ANKRD44: variants seen among roughly 807,000 people sequenced by gnomAD.
The protein encoded by ANKRD44 is ankyrin repeat domain 44.
In ANKRD44, 35 loss-of-function variants were observed where a neutral mutation model predicts 116.0. That is an observed-to-expected ratio of 0.30 (90% CI 0.23 to 0.40). The LOEUF is 0.40. Among genes scored for constraint, ANKRD44 ranks in the 10% least tolerant of loss-of-function variants. The pLI is 1.00. For synonymous variants in ANKRD44, 435 were observed against 461.8 expected, an observed-to-expected ratio of 0.94 and a Z score of 0.74; for missense variants, 1,014 against 1,242.6, an observed-to-expected ratio of 0.82 and a Z score of 2.77.
At chr2:196,971,036 C>G (rs35812339) in intron 21 of ANKRD44, among the ~76,000 whole-genome samples, 1 of 152,074 alleles carries the variant, frequency 6.6e-6, no homozygotes, top group Non-Finnish European at 1.5e-5. Flanking sequence ...ATCTTATAGC[C>G]CTTGTCCATA....
At chr2:197,050,258 G>A (rs1039093706) in intron 16 of ANKRD44, among the ~76,000 whole-genome samples, 2 of 152,058 alleles carry the variant, frequency 1.3e-5, no homozygotes, top group African/African-American at 4.8e-5. Flanking sequence ...ATGAGAAACT[G>A]CTCTCATGAT....
chr2:197,122,424 T>C (rs1391035223), intron 7 of ANKRD44, among the ~76,000 whole-genome samples: 1 of 152,216 alleles, frequency 6.6e-6, no homozygotes, highest in Non-Finnish European at 1.5e-5. Flanking sequence ...TTTATGTCTA[T>C]ATATTTATCT....
rs13405748 is a variant in ANKRD44 at position 197,139,225 on chromosome 2, C to T, written c.191-2563G>A. Among the ~76,000 whole-genome samples, 1,220 of 152,122 alleles carry T rather than the reference C, an allele frequency of 8.0e-3. 15 individuals are homozygous for T. The highest frequency in any genetic ancestry group is 0.028 in the African/African-American group (1,149 of 41,460). On this transcript the variant is annotated intron_variant, in intron 3 of 27. Transcript: ENST00000282272. ...CTCACACATGTACATGAAGGTGCACCGCAACATGTTTATGTCAACAAGAAA... is the reference window on the plus strand; with the variant it reads ...CTCACACATGTACATGAAGGTGCACTGCAACATGTTTATGTCAACAAGAAA...
At chr2:197,075,076 A>C (rs1459513414) in intron 16 of ANKRD44, among the ~76,000 whole-genome samples, 1 of 152,112 alleles carries the variant, frequency 6.6e-6, no homozygotes, top group Non-Finnish European at 1.5e-5. Context: ...AAGCAGCCAA[A>C]TTCCAAGTGA....
intron 14 of ANKRD44, 42 bp downstream of exon 14, chr2:197,083,327 C>T (rs2077841036): frequency 1.9e-6 from 3 of 1,589,154 alleles, no homozygotes; most frequent in Non-Finnish European, 2.6e-6. Flanking sequence ...CACCACTCCC[C>T]AACCCTGTTC....
chr2:197,118,810 T>G (rs1306578491), intron 8 of ANKRD44, among the ~76,000 whole-genome samples: 1 of 152,166 alleles, frequency 6.6e-6, no homozygotes. Context: ...AAAAAAGAGA[T>G]CATATTTCTT....
At chr2:197,016,031 G>T (rs1001488645) in intron 17 of ANKRD44, 7 of 531,970 alleles carry the variant, frequency 1.3e-5, no homozygotes, top group Admixed American at 3.9e-5. Flanking sequence ...GCAGAAAAGG[G>T]CTAGAGTTCT....
At chr2:197,056,702 T>A (rs948847308) in intron 16 of ANKRD44, among the ~76,000 whole-genome samples, 1 of 152,214 alleles carries the variant, frequency 6.6e-6, no homozygotes, top group Non-Finnish European at 1.5e-5. Flanking sequence ...AATGGTATTT[T>A]AAAAATTTTT....
At chr2:197,275,662 C>T (rs2697288) in intron 1 of ANKRD44, among the ~76,000 whole-genome samples, 64,140 of 151,362 alleles carry the variant, frequency 0.42, 14,012 homozygotes, top group East Asian at 0.63. Flanking sequence ...TGGTTCTCAG[C>T]GGGGTAGCAC....
intron 1 of ANKRD44, among the ~76,000 whole-genome samples, chr2:197,247,499 A>G (rs951182383): frequency 4.1e-4 from 62 of 152,238 alleles, no homozygotes; most frequent in Admixed American, 4.0e-3. Context: ...AGCAAAACCA[A>G]TTCTTCTATA....
At chr2:196,967,791 T>C (rs924617990) in intron 21 of ANKRD44, among the ~76,000 whole-genome samples, 4 of 152,204 alleles carry the variant, frequency 2.6e-5, no homozygotes, top group African/African-American at 7.2e-5. Flanking sequence ...GTTTATGCTA[T>C]CTTCTCGATA....
chr2:197,263,216 C>G (rs949380138), intron 1 of ANKRD44: 48 of 500,840 alleles, frequency 9.6e-5, no homozygotes, highest in African/African-American at 9.5e-4. Flanking sequence ...ACCAGAGACA[C>G]TGACAGGTGA....
intron 18 of ANKRD44, 60 bp downstream of exon 18, chr2:197,013,451 C>T (rs1291111771): frequency 6.5e-7 from 1 of 1,541,688 alleles, no homozygotes; most frequent in Non-Finnish European, 8.9e-7. Flanking sequence ...TGCTTTCCTT[C>T]TATTAAAACT....
At chr2:197,303,898 A>G (rs2083987055) in intron 1 of ANKRD44, among the ~76,000 whole-genome samples, 1 of 152,238 alleles carries the variant, frequency 6.6e-6, no homozygotes, top group Admixed American at 6.5e-5. Flanking sequence ...GGCTACCAAC[A>G]TATTTACAAA....
chr2:196,993,718 G>A (rs1430009153), intron 26 of ANKRD44, 44 bp from the exon 27 acceptor site: 14 of 1,501,412 alleles, frequency 9.3e-6, no homozygotes, highest in Non-Finnish European at 1.3e-5. Flanking sequence ...ACATATTTGG[G>A]TGAGAATGTG....
chr2:197,026,804 G>T (rs1237986723), intron 16 of ANKRD44, among the ~76,000 whole-genome samples: 1 of 152,138 alleles, frequency 6.6e-6, no homozygotes, highest in Non-Finnish European at 1.5e-5. Context: ...GCTTGGACCA[G>T]CAAGAAGCAG....
intron 1 of ANKRD44, among the ~76,000 whole-genome samples, chr2:197,244,978 T>A (rs1179948347): frequency 1.3e-5 from 2 of 152,082 alleles, no homozygotes; most frequent in Non-Finnish European, 2.9e-5. Flanking sequence ...TAAAAAATAA[T>A]AATACAATAA....
At chr2:197,042,499 T>TAAAA (rs774188881) in intron 16 of ANKRD44, among the ~76,000 whole-genome samples, 11 of 106,274 alleles carry the variant, frequency 1.0e-4, no homozygotes, top group Admixed American at 3.0e-4. Flanking sequence ...CCTCCACTAC[T>TAAAA]AAAAAAAAAA....
At chr2:197,147,952 GCA>G (rs775148577) in intron 2 of ANKRD44, 1 of 445,422 alleles carries the variant, frequency 2.2e-6, no homozygotes, top group South Asian at 1.6e-5. Context: ...CAGGTATATA[GCA>G]CAGTCAAGAT....
Sources: gnomAD v4.1 joint callset for allele counts (sites outside exome capture counted in the v4.1 genomes callset) on GRCh38, gnomAD v4.1.1 for gene constraint, MANE v1.5 for transcripts, NCBI Gene and HGNC (gene_info 2026-07-23, HGNC 2026-07-21) for gene names.